The following NOL4 variants were observed in gnomAD, a reference collection of about 807,000 sequenced individuals.
NOL4 encodes nucleolar protein 4, also known as cancer/testis antigen 125.
In NOL4, 17 loss-of-function variants were observed where a neutral mutation model predicts 75.9. The ratio of observed to expected loss-of-function variants is 0.22; its 90% CI spans 0.15 to 0.34. NOL4 has a LOEUF of 0.34. Ranked by LOEUF, NOL4 falls within the 10% of genes least tolerant of loss-of-function variation. The probability of loss-of-function intolerance (pLI) is 1.00; values close to 1 mark genes in which losing one functional copy is unlikely to be tolerated. For synonymous variants in NOL4, 292 were observed against 289.9 expected, an observed-to-expected ratio of 1.01 and a Z score of -0.07; for missense variants, 614 against 793.5, an observed-to-expected ratio of 0.77 and a Z score of 2.72.
At chr18:33,875,104 T>G (rs75484714) in intron 10 of NOL4, among the ~76,000 whole-genome samples, 2,898 of 152,062 alleles carry the variant, frequency 0.019, 39 homozygotes, top group Middle Eastern at 0.051. Context: ...CCCACGGAGT[T>G]TGTAGAGCAG....
intron 10 of NOL4, among the ~76,000 whole-genome samples, chr18:33,882,298 C>T (rs2064337089): frequency 6.6e-6 from 1 of 151,986 alleles, no homozygotes; most frequent in South Asian, 2.1e-4. Flanking sequence ...ATTTTTGCAA[C>T]CTACTCATCT....
chr18:33,960,785 C>A (rs1395665436), intron 6 of NOL4, among the ~76,000 whole-genome samples: 1 of 152,106 alleles, frequency 6.6e-6, no homozygotes, highest in African/African-American at 2.4e-5. Flanking sequence ...CTATTCTATG[C>A]TGTCTCTATA....
intron 5 of NOL4, among the ~76,000 whole-genome samples, chr18:34,020,683 G>C (rs1398437199): frequency 6.6e-6 from 1 of 151,904 alleles, no homozygotes; most frequent in East Asian, 1.9e-4. Context: ...TTAAGATATG[G>C]GGATGTGAGT....
At chr18:34,161,525 T>C (rs2031479379) in intron 1 of NOL4, among the ~76,000 whole-genome samples, 1 of 152,198 alleles carries the variant, frequency 6.6e-6, no homozygotes, top group Admixed American at 6.5e-5. Flanking sequence ...GTCTTTTTGA[T>C]AATAGCCATT....
intron 9 of NOL4, among the ~76,000 whole-genome samples, chr18:33,915,820 C>CT (rs1343386662): frequency 1.1e-4 from 16 of 152,160 alleles, no homozygotes; most frequent in Non-Finnish European, 1.5e-5. Context: ...TAAGGTCTCT[C>CT]TCCTGGGAAC....
chr18:33,949,181 C>T (rs1440824526), intron 8 of NOL4, among the ~76,000 whole-genome samples: 1 of 152,020 alleles, frequency 6.6e-6, no homozygotes, highest in Non-Finnish European at 1.5e-5. Flanking sequence ...GTTCTAAATT[C>T]CAAACCATAG....
chr18:34,162,320 A>G (rs2031619914), intron 1 of NOL4, among the ~76,000 whole-genome samples: 1 of 152,226 alleles, frequency 6.6e-6, no homozygotes, highest in Non-Finnish European at 1.5e-5. Context: ...GAAAGGATCA[A>G]CAAAATTGAT....
At chr18:34,169,914 T>C (rs1453835404) in intron 1 of NOL4, among the ~76,000 whole-genome samples, 1 of 152,258 alleles carries the variant, frequency 6.6e-6, no homozygotes, top group Admixed American at 6.5e-5. Context: ...TAATATACAA[T>C]TATTTTTCTA....
intron 1 of NOL4, among the ~76,000 whole-genome samples, chr18:34,142,887 A>G (rs1237801193): frequency 6.6e-6 from 1 of 152,182 alleles, no homozygotes; most frequent in Non-Finnish European, 1.5e-5. Flanking sequence ...TATGAATTCC[A>G]CATCCACAGA....
chr18:33,898,640 A>T (rs1377188), intron 9 of NOL4, among the ~76,000 whole-genome samples: 52,495 of 151,954 alleles, frequency 0.35, 9,202 homozygotes, highest in South Asian at 0.47. Flanking sequence ...AGAAGCACTT[A>T]TTGTCAATGC....
At chr18:34,135,888 A>C (rs2145946347) in intron 1 of NOL4, among the ~76,000 whole-genome samples, 1 of 152,120 alleles carries the variant, frequency 6.6e-6, no homozygotes, top group South Asian at 2.1e-4. Context: ...ACAGGATAAA[A>C]AAGATATACA....
chr18:33,938,667 T>C (rs1367341461), intron 9 of NOL4, among the ~76,000 whole-genome samples: 3 of 152,194 alleles, frequency 2.0e-5, no homozygotes, highest in Non-Finnish European at 2.9e-5. Context: ...TTGTAGATTC[T>C]GGATATTAGC....
chr18:34,052,091 T>C (rs2076647548), intron 5 of NOL4, among the ~76,000 whole-genome samples: 1 of 152,032 alleles, frequency 6.6e-6, no homozygotes, highest in Non-Finnish European at 1.5e-5. Flanking sequence ...GCATATTAAC[T>C]AGCATTTACT....
chr18:34,150,034 G>T (rs538799091), intron 1 of NOL4, among the ~76,000 whole-genome samples: 1 of 151,610 alleles, frequency 6.6e-6, no homozygotes, highest in South Asian at 2.1e-4. Context: ...TTGCCTTGGG[G>T]AATTTTCTTA....
chr18:33,992,548 A>G (rs529147391), intron 6 of NOL4, among the ~76,000 whole-genome samples: 21 of 152,180 alleles, frequency 1.4e-4, no homozygotes, highest in Middle Eastern at 3.4e-3. Flanking sequence ...TATTTGAACC[A>G]AGATCACTCT....
At chr18:34,002,498 A>T (rs2073784709) in intron 6 of NOL4, among the ~76,000 whole-genome samples, 1 of 151,990 alleles carries the variant, frequency 6.6e-6, no homozygotes, top group African/African-American at 2.4e-5. Context: ...CTTTTCCTGC[A>T]CTTTGACCAT....
At chr18:34,075,056 T>C (rs2077685817) in intron 5 of NOL4, among the ~76,000 whole-genome samples, 1 of 152,182 alleles carries the variant, frequency 6.6e-6, no homozygotes. Context: ...TTTATGAAAT[T>C]TTTGAAGTGC....
At chr18:34,117,348 A>T (rs2079908571) in intron 2 of NOL4, among the ~76,000 whole-genome samples, 1 of 151,996 alleles carries the variant, frequency 6.6e-6, no homozygotes, top group Non-Finnish European at 1.5e-5. Flanking sequence ...TTTTACAGCC[A>T]CTCCTAGTTA....
chr18:33,922,268 A>T (rs2067086322), intron 9 of NOL4, among the ~76,000 whole-genome samples: 1 of 152,096 alleles, frequency 6.6e-6, no homozygotes, highest in Admixed American at 6.6e-5. Context: ...GTTTCAAGAG[A>T]TTCATATGTG....
Sources: gnomAD v4.1 joint callset for allele counts (sites outside exome capture counted in the v4.1 genomes callset) on GRCh38, gnomAD v4.1.1 for gene constraint, MANE v1.5 for transcripts, NCBI Gene and HGNC (gene_info 2026-07-23, HGNC 2026-07-21) for gene names.